The following RIMS2 variants were observed in gnomAD, a reference collection of about 807,000 sequenced individuals.
RIMS2 encodes regulating synaptic membrane exocytosis protein 2.
RIMS2 carries 59 observed loss-of-function variants against 174.4 expected under a neutral mutation model. The ratio of observed to expected loss-of-function variants is 0.34; its 90% confidence interval spans 0.27 to 0.42. RIMS2 has a LOEUF of 0.42. RIMS2 is among the 10% of genes least tolerant of loss of function. The pLI is 1.00. For synonymous variants in RIMS2, 606 were observed against 572.5 expected (o/e 1.06, Z -0.84); for missense variants, 1,620 against 1,666.3 (o/e 0.97, Z 0.48).
intron 19 of RIMS2, among the ~76,000 whole-genome samples, chr8:104,134,184 GC>G (rs2098498729): frequency 1.3e-5 from 2 of 152,140 alleles, no homozygotes; most frequent in South Asian, 4.1e-4. Flanking sequence ...ATACTTTGGG[GC>G]CAGGCACAGT....
Position 103,931,402 on chromosome 8 carries a change from A to G in RIMS2, c.2375+9A>G, listed in dbSNP as rs760963570. The G allele has an allele frequency of 2.6e-6, 4 of 1,543,518 alleles. No individual in the cohort carries two copies. The highest frequency in any genetic ancestry group is 1.4e-5 in the African/African-American group (1 of 71,978). On this transcript the variant is annotated intron_variant, in intron 12 of 23. Coordinates refer to ENST00000504942, the Ensembl canonical transcript of RIMS2. ...TTTCTTCCAGACAGAAGGTAAGGAT[A>G]TAAAACAAAATAAATGTTCTGGAAA...
chr8:104,177,688 A>AT (rs534365138), intron 19 of RIMS2, among the ~76,000 whole-genome samples: 57 of 152,294 alleles, frequency 3.7e-4, no homozygotes, highest in Non-Finnish European at 6.2e-4. Context: ...AAGTAAACAA[A>AT]TTGTAATTCA....
intron 16 of RIMS2, among the ~76,000 whole-genome samples, chr8:103,981,451 T>C (rs1306968129): frequency 6.6e-6 from 1 of 152,062 alleles, no homozygotes; most frequent in Admixed American, 6.6e-5. Context: ...AAGACTGCAA[T>C]AAATACCTAA....
chr8:104,045,616 G>A (rs896573899), intron 19 of RIMS2, among the ~76,000 whole-genome samples: 2 of 151,884 alleles, frequency 1.3e-5, no homozygotes, highest in Admixed American at 6.6e-5. Context: ...TTACTCATAA[G>A]TAGATCTCAA....
chr8:103,918,593 G>T, intron 9 of RIMS2, 106 bp downstream of exon 12: 1 of 827,170 alleles, frequency 1.2e-6, no homozygotes, highest in Non-Finnish European at 2.1e-6. Context: ...TGATAACCTT[G>T]TTATCAAGTC....
chr8:103,634,146 G>A (rs962353228), intron 1 of RIMS2, among the ~76,000 whole-genome samples: 2 of 152,142 alleles, frequency 1.3e-5, no homozygotes, highest in Non-Finnish European at 2.9e-5. Context: ...TACTTTTGAT[G>A]TAGGTTTTTA....
At chr8:103,772,796 A>G (rs1269511196) in intron 3 of RIMS2, among the ~76,000 whole-genome samples, 1 of 152,172 alleles carries the variant, frequency 6.6e-6, no homozygotes. Flanking sequence ...ATATAAAGCC[A>G]TTCATGTATA....
At chr8:103,796,686 T>C (rs2098552176) in intron 3 of RIMS2, among the ~76,000 whole-genome samples, 1 of 152,206 alleles carries the variant, frequency 6.6e-6, no homozygotes, top group East Asian at 1.9e-4. Context: ...AACAAATATT[T>C]ATTGAGTATT....
At chr8:103,508,660 A>G (rs773076758) in intron 1 of RIMS2, among the ~76,000 whole-genome samples, 3 of 152,098 alleles carry the variant, frequency 2.0e-5, no homozygotes, top group Non-Finnish European at 4.4e-5. Context: ...CAGTGACACA[A>G]TATAATTAGA....
At chr8:104,150,924 A>G (rs899074042) in intron 19 of RIMS2, among the ~76,000 whole-genome samples, 4 of 152,210 alleles carry the variant, frequency 2.6e-5, no homozygotes, top group African/African-American at 9.6e-5. Context: ...ACTATCCTAA[A>G]GAAAACAGAA....
At chr8:103,944,106 C>T (rs1379607147) in intron 14 of RIMS2, among the ~76,000 whole-genome samples, 2 of 152,036 alleles carry the variant, frequency 1.3e-5, no homozygotes, top group Admixed American at 6.6e-5. Flanking sequence ...AAAATAACCT[C>T]TCTAATTACT....
At position 103,830,633 on chromosome 8, in the gene RIMS2, AGT is replaced by A. The variant is rs146095584; in HGVS notation, c.699-54662_699-54661del. 7.0e-3 allele frequency among the ~76,000 whole-genome samples: 1,063 copies of A among 152,282 alleles called. 10 individuals are homozygous for A. The highest frequency in any genetic ancestry group is 0.025 in the African/African-American group (1,024 of 41,566). On this transcript the variant is annotated intron_variant, in intron 3 of 23. Coordinates refer to ENST00000504942, the Ensembl canonical transcript of RIMS2. ...TGTCAATTATGTCATGATGTTTAAT[AGT>A]GTTGTTCAGATCTTCTGTCTCAGTG...
intron 21 of RIMS2, among the ~76,000 whole-genome samples, chr8:104,249,124 G>T (rs1450244846): frequency 6.6e-6 from 1 of 151,406 alleles, no homozygotes; most frequent in African/African-American, 2.4e-5. Flanking sequence ...GTAGAGACAG[G>T]GCCTCATTGT....
At chr8:103,917,605 C>T (rs983605914) in intron 8 of RIMS2, among the ~76,000 whole-genome samples, 2 of 152,066 alleles carry the variant, frequency 1.3e-5, no homozygotes, top group African/African-American at 2.4e-5. Context: ...TTAATGTTTA[C>T]CCCTTGTGTC....
intron 14 of RIMS2, among the ~76,000 whole-genome samples, chr8:103,944,510 A>G (rs938658181): frequency 6.6e-6 from 1 of 152,018 alleles, no homozygotes; most frequent in Non-Finnish European, 1.5e-5. Context: ...TAGGTAATAG[A>G]TTGAGGACTC....
chr8:104,052,780 G>A (rs1158039315), intron 19 of RIMS2, among the ~76,000 whole-genome samples: 1 of 152,120 alleles, frequency 6.6e-6, no homozygotes, highest in Non-Finnish European at 1.5e-5. Context: ...AGGAAAGGTA[G>A]AAGCTGAAGG....
intron 3 of RIMS2, among the ~76,000 whole-genome samples, chr8:103,864,096 A>C (rs1259540019): frequency 6.6e-6 from 1 of 151,876 alleles, no homozygotes. Flanking sequence ...TTTAGTAAGG[A>C]TGGGGTTTCA....
intron 15 of RIMS2, among the ~76,000 whole-genome samples, chr8:103,972,777 G>C (rs1394033888): frequency 1.3e-5 from 2 of 152,116 alleles, no homozygotes; most frequent in East Asian, 3.9e-4. Flanking sequence ...GTGTTACCTA[G>C]TCTAACCACC....
intron 2 of RIMS2, among the ~76,000 whole-genome samples, chr8:103,698,435 T>A (rs1164204682): frequency 6.6e-6 from 1 of 152,160 alleles, no homozygotes; most frequent in African/African-American, 2.4e-5. Flanking sequence ...GTTTGGTTGG[T>A]TTTTTAAGAT....
Sources: allele counts gnomAD v4.1 joint callset (sites outside exome capture counted in the v4.1 genomes callset), GRCh38; gene constraint gnomAD v4.1.1; transcripts MANE v1.5; gene names NCBI Gene and HGNC (gene_info 2026-07-23, HGNC 2026-07-21).